MCF2L2: variants seen among roughly 807,000 people sequenced by gnomAD.
MCF2L2 encodes the protein MCF.2 cell line derived transforming sequence-like 2, also known as probable guanine nucleotide exchange factor MCF2L2.
A neutral mutation model predicts 150.2 loss-of-function variants in MCF2L2; 102 were observed. That is an observed-to-expected ratio of 0.68 (90% CI 0.58 to 0.80). The LOEUF (loss-of-function observed/expected upper bound fraction) is 0.80. Among genes scored for constraint, MCF2L2 ranks in the 30% least tolerant of loss-of-function variants. The pLI, the probability that MCF2L2 is intolerant of heterozygous loss-of-function variation, is 0.00. For missense variants in MCF2L2, 1,256 were observed against 1,372.8 expected (o/e 0.91, Z 1.34); for synonymous variants, 465 against 491.3 (o/e 0.95, Z 0.71).
chr3:183,223,229 A>G, intron 20 of MCF2L2, 117 bp downstream of exon 20: 1 of 694,154 alleles, frequency 1.4e-6, no homozygotes, highest in Admixed American at 2.6e-5. Flanking sequence ...CCTGCAGGAT[A>G]GACGTATCTT....
chr3:183,347,536 A>G (rs1334679813), intron 3 of MCF2L2, among the ~76,000 whole-genome samples: 2 of 152,260 alleles, frequency 1.3e-5, no homozygotes, highest in African/African-American at 4.8e-5. Context: ...AATTGCCACA[A>G]AAGCCAAAAT....
chr3:183,286,816 C>T (rs1193267961), intron 14 of MCF2L2, among the ~76,000 whole-genome samples: 10 of 152,212 alleles, frequency 6.6e-5, no homozygotes, highest in African/African-American at 1.9e-4. Context: ...GCTTCCTCCA[C>T]CACCTTGACT....
intron 27 of MCF2L2, among the ~76,000 whole-genome samples, chr3:183,184,210 G>C (rs1033377773): frequency 6.6e-6 from 1 of 152,118 alleles, no homozygotes; most frequent in Non-Finnish European, 1.5e-5. Flanking sequence ...TAGAGACAGG[G>C]TTTCACCATA....
chr3:183,200,941 T>C (rs1161933553), intron 25 of MCF2L2, among the ~76,000 whole-genome samples: 2 of 152,192 alleles, frequency 1.3e-5, no homozygotes, highest in Non-Finnish European at 2.9e-5. Flanking sequence ...TGTAGATGTA[T>C]GATATTATTT....
rs1011411519 is a variant in MCF2L2, at chr3:183,305,389, G to C, written c.1113+4327C>G. Among the ~76,000 whole-genome samples the C allele has an allele frequency of 1.3e-5, 2 of 152,034 alleles. No individual in the cohort carries two copies. The highest frequency in any genetic ancestry group is 4.8e-5 in the African/African-American group (2 of 41,386). On this transcript the variant is annotated intron_variant, in intron 10 of 29. Coordinates refer to ENST00000328913, the MANE Select transcript of MCF2L2 (RefSeq NM_015078.4). The surrounding 1 kb of genome is among the most constrained non-coding windows in gnomAD (Gnocchi z 4.1). Reference sequence around the variant, plus strand: ...AACAGGGCAGAATTTTCTGGGTCCAGGGAAATTCACCACAGGATACTTCCA... The same window carrying C: ...AACAGGGCAGAATTTTCTGGGTCCACGGAAATTCACCACAGGATACTTCCA...
chr3:183,354,234 T>C (rs9832331), intron 3 of MCF2L2, among the ~76,000 whole-genome samples: 50,998 of 152,086 alleles, frequency 0.34, 9,447 homozygotes, highest in African/African-American at 0.5. Context: ...CTGAAAGAAA[T>C]AGAATTATTT....
intron 1 of MCF2L2, among the ~76,000 whole-genome samples, chr3:183,404,860 C>T (rs1714961236): frequency 6.6e-6 from 1 of 151,796 alleles, no homozygotes; most frequent in Non-Finnish European, 1.5e-5. Context: ...AAGACTCCAT[C>T]TCAAAAACAG....
chr3:183,287,303 ATGT>A (rs1289387325), intron 14 of MCF2L2, among the ~76,000 whole-genome samples: 2 of 152,210 alleles, frequency 1.3e-5, no homozygotes, highest in African/African-American at 4.8e-5. Context: ...GGTCATAAAC[ATGT>A]TGTCTGAAGA....
chr3:183,193,357 C>CTTTCTTTTTTT (rs1553880360), intron 26 of MCF2L2, among the ~76,000 whole-genome samples: 3 of 139,456 alleles, frequency 2.2e-5, no homozygotes, highest in Non-Finnish European at 4.6e-5. Context: ...CTTTTTCTTT[C>CTTTCTTTTTTT]TTTTTTTTTT....
chr3:183,324,362 A>C (rs1729939871), intron 5 of MCF2L2, among the ~76,000 whole-genome samples: 1 of 152,074 alleles, frequency 6.6e-6, no homozygotes, highest in South Asian at 2.1e-4. Context: ...TGACTATATC[A>C]CACCCTCTAC....
intron 3 of MCF2L2, among the ~76,000 whole-genome samples, chr3:183,368,646 C>T (rs921942177): frequency 5.9e-5 from 9 of 152,180 alleles, no homozygotes; most frequent in African/African-American, 2.2e-4. Context: ...TGGCTGTAAT[C>T]CCAGCTACTC....
At chr3:183,315,581 A>C (rs1340227482) in intron 7 of MCF2L2, among the ~76,000 whole-genome samples, 1 of 152,204 alleles carries the variant, frequency 6.6e-6, no homozygotes, top group Non-Finnish European at 1.5e-5. Flanking sequence ...GGTTACTCCA[A>C]CCCATAACCT....
At chr3:183,297,452 C>A in intron 11 of MCF2L2, 1 of 335,852 alleles carries the variant, frequency 3.0e-6, no homozygotes, top group Non-Finnish European at 5.6e-6. Context: ...GAGGAGACAG[C>A]TAAATATATA....
At chr3:183,302,257 T>C (rs1311599675) in intron 10 of MCF2L2, among the ~76,000 whole-genome samples, 1 of 152,180 alleles carries the variant, frequency 6.6e-6, no homozygotes, top group African/African-American at 2.4e-5. Flanking sequence ...TACTTTCTCA[T>C]CTTAATAGAT....
At position 183,309,803 on chromosome 3, in the gene MCF2L2, C is replaced by T; in HGVS notation, c.1026G>A (p.Glu342=). Reference sequence around the variant, plus strand: ...CTCCAATGCCTGTAAACTCTGCTTGCTCTTCCAGCAAATTATCCAGGGCAA... The same window carrying T: ...CTCCAATGCCTGTAAACTCTGCTTGTTCTTCCAGCAAATTATCCAGGGCAA... ...AKLALDNLLE[E]QAEFTGIGDS... The change falls in exon 10 of 30, where the codon GAG becomes GAA. Residue 342 remains glutamate, a synonymous_variant. Coordinates refer to ENST00000328913, the MANE Select transcript of MCF2L2 (RefSeq NM_015078.4). 6.2e-7 allele frequency: 1 copy of T among 1,613,962 alleles called. No individual in the cohort carries two copies. Among genetic ancestry groups the T allele is most frequent in the South Asian group, 1.1e-5 (1 of 91,084 alleles).
chr3:183,244,129 CA>C (rs1265434776), intron 15 of MCF2L2, among the ~76,000 whole-genome samples: 1 of 143,802 alleles, frequency 7.0e-6, no homozygotes, highest in African/African-American at 2.6e-5. Context: ...AGCTCAAAAA[CA>C]AAAAAAAAGA....
intron 3 of MCF2L2, among the ~76,000 whole-genome samples, chr3:183,352,244 C>T (rs552263959): frequency 6.6e-6 from 1 of 152,248 alleles, no homozygotes; most frequent in African/African-American, 2.4e-5. Flanking sequence ...AAGGTGAAGC[C>T]GGGCGTGGTG....
At chr3:183,407,356 A>G (rs1355840778) in intron 1 of MCF2L2, among the ~76,000 whole-genome samples, 1 of 152,200 alleles carries the variant, frequency 6.6e-6, no homozygotes, top group Non-Finnish European at 1.5e-5. Context: ...CTACTATAGT[A>G]TCTCTTTTAG....
intron 1 of MCF2L2, among the ~76,000 whole-genome samples, chr3:183,402,611 G>A (rs1224587259): frequency 1.3e-5 from 2 of 151,584 alleles, no homozygotes; most frequent in Non-Finnish European, 2.9e-5. Context: ...GACAAGCCTG[G>A]GCAACATAAG....
Sources: gnomAD v4.1 joint callset for allele counts (sites outside exome capture counted in the v4.1 genomes callset) on GRCh38, gnomAD v4.1.1 for gene constraint, Gnocchi (gnomAD v3.1) non-coding constraint, MANE v1.5 for transcripts, NCBI Gene and HGNC (gene_info 2026-07-23, HGNC 2026-07-21) for gene names.